CBX5: variants seen among roughly 807,000 people sequenced by gnomAD.
CBX5 encodes the protein chromobox 5.
CBX5 carries 7 observed loss-of-function variants against 20.7 expected under a neutral mutation model. That is an observed-to-expected ratio of 0.34 (90% confidence interval 0.19 to 0.63). The LOEUF is 0.63. CBX5 is among the 30% of genes least tolerant of loss of function. The probability of loss-of-function intolerance (pLI) is 0.75; values close to 1 mark genes in which losing one functional copy is unlikely to be tolerated. For missense variants in CBX5, 110 were observed against 224.1 expected, an observed-to-expected ratio of 0.49 and a Z score of 3.25; for synonymous variants, 78 against 77.0, an observed-to-expected ratio of 1.01 and a Z score of -0.07.
At position 54,237,262 on chromosome 12, in the gene CBX5, G is replaced by GTTATC. The variant is rs1943632622; in HGVS notation, c.*4492_*4493insGATAA. 6.6e-6 allele frequency: 1 copy of GTTATC among 152,088 alleles called. No homozygotes were observed. Among genetic ancestry groups the GTTATC allele is most frequent in the Admixed American group, 6.6e-5 (1 of 15,264 alleles). 9.4% of individuals were successfully genotyped at this position (152,088 alleles called of 1,614,324 possible). A position where few individuals can be genotyped will look rare whatever the true frequency, so the allele number is the denominator to read the frequency against. ...CATGGCAAACCGCGAAGAAAAACAAGGATAACCTCAGACCACTTTTACTTG... is the reference window on the plus strand; with the variant it reads ...CATGGCAAACCGCGAAGAAAAACAAGTTATCGATAACCTCAGACCACTTTTACTTG... On this transcript the variant is annotated 3_prime_UTR_variant, in exon 5 of 5. Transcript: ENST00000209875.
In CBX5 at chr12:54,269,890, A is replaced by G. The variant is rs531904255; in HGVS notation, c.-43+10118T>C. 3.9e-5 allele frequency among the ~76,000 whole-genome samples: 6 copies of G among 152,236 alleles called. No homozygotes were observed. The East Asian group carries it at 1.2e-3, about 29-fold the overall frequency. ...CCTCCATGCCCACCCAAGGTTCTGT[A>G]TTTAAGTGAGTTTTGGTAGTTTGTC... On this transcript the variant is annotated intron_variant, in intron 1 of 4. Transcript: ENST00000209875.
chr12:54,267,604 C>A (rs1416892845), intron 1 of CBX5, among the ~76,000 whole-genome samples: 1 of 151,998 alleles, frequency 6.6e-6, no homozygotes, highest in African/African-American at 2.4e-5. Context: ...CTCCATGTTC[C>A]GGGTTCATGC....
At chr12:54,274,587 A>C (rs1203182651) in intron 1 of CBX5, among the ~76,000 whole-genome samples, 1 of 152,208 alleles carries the variant, frequency 6.6e-6, no homozygotes, top group Non-Finnish European at 1.5e-5. Context: ...CTTTACCAGG[A>C]CAGTTATTAA....
At position 54,278,128 on chromosome 12, in the gene CBX5, C is replaced by T. The variant is rs1236232480; in HGVS notation, c.-43+1880G>A. Among the ~76,000 whole-genome samples, 8 of 152,134 alleles carry T rather than the reference C, an allele frequency of 5.3e-5. No homozygotes were observed. The South Asian group carries it at 6.2e-4, about 12-fold the overall frequency. Reference sequence around the variant, plus strand: ...CAATCTGTCACAAATGGGGATGTGGCGAGTGATGCGATGTTACTGGCATAC... The same window carrying T: ...CAATCTGTCACAAATGGGGATGTGGTGAGTGATGCGATGTTACTGGCATAC... On this transcript the variant is annotated intron_variant, in intron 1 of 4. Coordinates refer to ENST00000209875, the MANE Select transcript of CBX5 (RefSeq NM_012117.3).
chr12:54,246,271 C>G, intron 3 of CBX5, 56 bp from the exon 4 acceptor site: 1 of 1,283,072 alleles, frequency 7.8e-7, no homozygotes, highest in Admixed American at 1.7e-5. Context: ...AAGAAACTCC[C>G]TGCTTCTAGG....
chr12:54,279,176 T>C (rs960428685), intron 1 of CBX5: 1 of 152,178 alleles, frequency 6.6e-6, no homozygotes, highest in African/African-American at 2.4e-5. Flanking sequence ...ATATGCACTA[T>C]CAGGAAGGAG....
chr12:54,248,642 T>C (rs1282132314), intron 3 of CBX5, among the ~76,000 whole-genome samples: 4 of 152,146 alleles, frequency 2.6e-5, no homozygotes, highest in African/African-American at 9.7e-5. Flanking sequence ...TGCTGGTGCA[T>C]GGACTAAGTT....
intron 3 of CBX5, among the ~76,000 whole-genome samples, chr12:54,247,200 T>C (rs1943746125): frequency 6.6e-6 from 1 of 151,934 alleles, no homozygotes; most frequent in Non-Finnish European, 1.5e-5. Context: ...ACTGTTAGCA[T>C]TAGAAGGTAG....
intron 2 of CBX5, among the ~76,000 whole-genome samples, chr12:54,257,116 C>T (rs1346927005): frequency 6.6e-6 from 1 of 152,094 alleles, no homozygotes; most frequent in African/African-American, 2.4e-5. Context: ...CCTCAGCCTC[C>T]CAAAGTGCTG....
chr12:54,249,613 C>A (rs541653773), intron 3 of CBX5, among the ~76,000 whole-genome samples: 1 of 151,894 alleles, frequency 6.6e-6, no homozygotes, highest in Non-Finnish European at 1.5e-5. Context: ...GTGTATGATA[C>A]ATCCTTCACC....
At chr12:54,244,174 T>A (rs999833323) in intron 4 of CBX5, among the ~76,000 whole-genome samples, 5 of 150,928 alleles carry the variant, frequency 3.3e-5, no homozygotes, top group Non-Finnish European at 7.4e-5. Flanking sequence ...GCTATTTTTT[T>A]TTTTTATTTT....
chr12:54,263,830 T>G lies in CBX5; in HGVS notation c.-42-6138A>C, dbSNP rs191178909. On this transcript the variant is annotated intron_variant, in intron 1 of 4. Transcript: ENST00000209875. The stretch of plus-strand genomic sequence containing the variant: ...AGGCCAGGCGCAGTGGCTCACGAGG[T>G]CAGGAGATTGAGACCATCCTGGCTA... Among the ~76,000 whole-genome samples the G allele has an allele frequency of 1.9e-3, 262 of 141,202 alleles. 1 individual carries two copies. The East Asian group carries it at 0.029, about 16-fold the overall frequency. The allele number at this position is 141,202 out of a possible 152,430, so 92.6% of individuals were successfully genotyped here.
intron 1 of CBX5, among the ~76,000 whole-genome samples, chr12:54,277,441 G>A (rs762708968): frequency 2.4e-4 from 37 of 152,166 alleles, no homozygotes; most frequent in African/African-American, 7.7e-4. Flanking sequence ...CTGACCTGAA[G>A]TGATCCACCC....
At chr12:54,245,680 A>C (rs1943728006) in intron 4 of CBX5, among the ~76,000 whole-genome samples, 1 of 152,088 alleles carries the variant, frequency 6.6e-6, no homozygotes, top group Non-Finnish European at 1.5e-5. Flanking sequence ...AATCCCAGCT[A>C]CTCGGGAGGC....
chr12:54,279,019 A>G (rs1944099344), intron 1 of CBX5: 1 of 152,234 alleles, frequency 6.6e-6, no homozygotes, highest in Non-Finnish European at 1.5e-5. Flanking sequence ...TTTTTATTTA[A>G]TTTTAATCAC....
rs1321207061 is a variant in CBX5, at chr12:54,271,596, T to C, written c.-43+8412A>G. Among the ~76,000 whole-genome samples the C allele has an allele frequency of 2.6e-5, 4 of 152,390 alleles. No homozygotes were observed. In the East Asian group the frequency reaches 7.7e-4, roughly 29 times the overall value. ...ACCTCAGCCTCCCAAAGTGCTGGGATTACAGGCGTGAGCCACTGCACCTGG... is the reference window on the plus strand; with the variant it reads ...ACCTCAGCCTCCCAAAGTGCTGGGACTACAGGCGTGAGCCACTGCACCTGG... On this transcript the variant is annotated intron_variant, in intron 1 of 4. Coordinates refer to ENST00000209875, the MANE Select transcript of CBX5 (RefSeq NM_012117.3).
Position 54,231,840 on chromosome 12 carries a change from G to C in CBX5, c.*9915C>G, listed in dbSNP as rs1054367750. The C allele has an allele frequency of 1.3e-5, 2 of 152,478 alleles. No individual in the cohort carries two copies. The highest frequency in any genetic ancestry group is 4.8e-5 in the African/African-American group (2 of 41,448). 9.4% of individuals were successfully genotyped at this position (152,478 alleles called of 1,614,324 possible). ...AAAATAATTCCAATGTAGCTTTTGGGGGTGGGGGGTGGAAATAAGGTGGTC... is the reference window on the plus strand; with the variant it reads ...AAAATAATTCCAATGTAGCTTTTGGCGGTGGGGGGTGGAAATAAGGTGGTC... On this transcript the variant is annotated 3_prime_UTR_variant, in exon 5 of 5. Coordinates refer to ENST00000209875, the MANE Select transcript of CBX5 (RefSeq NM_012117.3).
chr12:54,241,915 A>C lies in CBX5; in HGVS notation c.426-10T>G, dbSNP rs768495778. ...TTCATCTGTGTCTTTCCTGGAGAGA[A>C]AGAATATGAGACTTAAAAGGAGAGG... On this transcript the variant is annotated splice_polypyrimidine_tract_variant and intron_variant, in intron 4 of 4. Coordinates refer to ENST00000209875, the MANE Select transcript of CBX5 (RefSeq NM_012117.3). The C allele has an allele frequency of 6.2e-7, 1 of 1,611,264 alleles. No individual in the cohort carries two copies. Among genetic ancestry groups the C allele is most frequent in the Non-Finnish European group, 8.5e-7 (1 of 1,179,356 alleles).
At chr12:54,246,816 G>T (rs1044503379) in intron 3 of CBX5, among the ~76,000 whole-genome samples, 1 of 144,720 alleles carries the variant, frequency 6.9e-6, no homozygotes, top group Non-Finnish European at 1.5e-5. Context: ...GGGGCGAAAA[G>T]AAAGATACTC....
Sources: gnomAD v4.1 joint callset for allele counts (sites outside exome capture counted in the v4.1 genomes callset) on GRCh38, gnomAD v4.1.1 for gene constraint, MANE v1.5 for transcripts, NCBI Gene and HGNC (gene_info 2026-07-23, HGNC 2026-07-21) for gene names.